Variants in XRN1 observed in about 807,000 individuals in gnomAD.
XRN1 encodes strand-exchange protein 1 homolog.
Under a neutral mutation model 222.3 loss-of-function variants are expected in XRN1, and 67 were observed. That is an observed-to-expected ratio of 0.30 (90% confidence interval 0.25 to 0.37). The LOEUF is 0.37. Among genes scored for constraint, XRN1 ranks in the 10% least tolerant of loss-of-function variants. XRN1 has a pLI of 1.00. For missense variants in XRN1, 1,707 were observed against 2,000.2 expected (o/e 0.85, Z 2.80); for synonymous variants, 643 against 652.4 (o/e 0.99, Z 0.22).
intron 27 of XRN1, among the ~76,000 whole-genome samples, chr3:142,366,699 C>T (rs1393297706): frequency 2.0e-5 from 3 of 151,924 alleles, no homozygotes; most frequent in African/African-American, 4.8e-5. Flanking sequence ...TGCCCACAGC[C>T]GACTAGATGC....
chr3:142,371,280 C>T lies in XRN1; in HGVS notation c.3027G>A (p.Val1009=), dbSNP rs1410567279. 6.2e-7 allele frequency: 1 copy of T among 1,613,400 alleles called. No homozygotes were observed. The highest frequency in any genetic ancestry group is 8.5e-7 in the Non-Finnish European group (1 of 1,179,926). ...CAGGCCAAATGTCATCTTCATAGAA[C>T]ACATCCTCTTGGCTATTTTTGGCTA... ...SYIAKNSQED[V]FYEDDIWPGE... The change falls in exon 26 of 41, where the codon GTG becomes GTA. Residue 1009 remains valine, a synonymous_variant. Coordinates refer to ENST00000392981, the MANE Select transcript of XRN1 (RefSeq NM_001282857.2).
intron 32 of XRN1, among the ~76,000 whole-genome samples, chr3:142,349,074 T>G (rs554370611): frequency 1.3e-5 from 2 of 152,252 alleles, no homozygotes; most frequent in Non-Finnish European, 2.9e-5. Context: ...TGCCTCAGTC[T>G]CCCGAATAGC....
intron 10 of XRN1, among the ~76,000 whole-genome samples, chr3:142,419,638 G>A (rs565777487): frequency 3.9e-5 from 6 of 152,106 alleles, no homozygotes; most frequent in East Asian, 1.9e-4. Flanking sequence ...GTGAAACCCC[G>A]TCTCTACTAA....
intron 20 of XRN1, among the ~76,000 whole-genome samples, chr3:142,388,725 T>C (rs1482465902): frequency 6.6e-6 from 1 of 152,238 alleles, no homozygotes; most frequent in South Asian, 2.1e-4. Context: ...TGCAATGCTA[T>C]TTTATAGCAT....
chr3:142,328,449 G>T (rs2065581712), intron 37 of XRN1, among the ~76,000 whole-genome samples: 1 of 151,544 alleles, frequency 6.6e-6, no homozygotes, highest in Admixed American at 6.6e-5. Flanking sequence ...AGTTTCCAAA[G>T]TTCCTCTTGT....
chr3:142,403,839 G>A (rs1428339005), intron 17 of XRN1, 30 bp downstream of exon 17: 1 of 1,611,462 alleles, frequency 6.2e-7, no homozygotes, highest in East Asian at 2.2e-5. Context: ...TTAATAAAGT[G>A]AAAAAATTCT....
At chr3:142,371,198 A>T in intron 26 of XRN1, 41 bp downstream of exon 26, 1 of 1,506,632 alleles carries the variant, frequency 6.6e-7, no homozygotes, top group South Asian at 1.2e-5. Flanking sequence ...GAAAACACTG[A>T]ATTGAACTAT....
In XRN1 at chr3:142,318,802, A is replaced by T. The variant is rs1308906369; in HGVS notation, c.4506T>A (p.Ala1502=). Residue 1502 remains alanine (A), a synonymous_variant, in exon 38 of 41, where the codon GCT becomes GCA. Coordinates refer to ENST00000392981, the MANE Select transcript of XRN1 (RefSeq NM_001282857.2). The part of the protein sequence containing the change: ...NEAKEKAALF[A]LQQLGSLGMN... ...GGACAGTTCTTACCAACTGTTGTAA[A>T]GCAAAAAGTGCAGCTTTCTCTTTGG... is the stretch of plus-strand genomic sequence containing the variant. 1 of 1,613,858 alleles carries T rather than the reference A, an allele frequency of 6.2e-7. No homozygotes were observed. Among genetic ancestry groups the T allele is most frequent in the South Asian group, 1.1e-5 (1 of 91,066 alleles).
chr3:142,428,191 G>C (rs1472654379), intron 2 of XRN1, among the ~76,000 whole-genome samples: 1 of 152,034 alleles, frequency 6.6e-6, no homozygotes, highest in African/African-American at 2.4e-5. Flanking sequence ...TCAGGAGTTT[G>C]AGACCAGCCT....
rs370507210 is a variant in XRN1 at position 142,345,480 on chromosome 3, G to A, written c.3877+1754C>T. ...CACACTGTAACTCTTTGTGACTTTG[G>A]ATTAGGGAATGGTTTCTTAGATGTA... On this transcript the variant is annotated intron_variant, in intron 33 of 40. Transcript: ENST00000392981. 2.6e-5 allele frequency among the ~76,000 whole-genome samples: 4 copies of A among 152,166 alleles called. No homozygotes were observed. The East Asian group carries it at 5.8e-4, about 22-fold the overall frequency.
intron 33 of XRN1, among the ~76,000 whole-genome samples, chr3:142,340,335 A>C (rs1038784712): frequency 6.6e-6 from 1 of 152,028 alleles, no homozygotes; most frequent in African/African-American, 2.4e-5. Flanking sequence ...AGCCTGGGCA[A>C]TAAAAGTGAA....
At chr3:142,349,806 G>A (rs1035407941) in intron 32 of XRN1, among the ~76,000 whole-genome samples, 3 of 152,122 alleles carry the variant, frequency 2.0e-5, no homozygotes, top group Non-Finnish European at 4.4e-5. Context: ...GGACATTTAA[G>A]AGATAAAACA....
chr3:142,329,387 G>C, intron 37 of XRN1, 47 bp downstream of exon 37: 1 of 1,259,334 alleles, frequency 7.9e-7, no homozygotes, highest in African/African-American at 1.6e-5. Context: ...ATTTATTTAA[G>C]CTTAATGTTA....
chr3:142,347,095 T>G (rs1192699696), intron 33 of XRN1, 139 bp downstream of exon 33: 13 of 645,314 alleles, frequency 2.0e-5, no homozygotes, highest in Non-Finnish European at 3.3e-5. Context: ...TACAATTTTG[T>G]GAAAATACAA....
intron 33 of XRN1, among the ~76,000 whole-genome samples, chr3:142,338,175 C>T (rs985575497): frequency 2.0e-5 from 3 of 152,178 alleles, no homozygotes; most frequent in Admixed American, 2.0e-4. Context: ...CCAACTCCCC[C>T]AACCCCAGGC....
chr3:142,390,303 G>T (rs1278212714), intron 20 of XRN1, among the ~76,000 whole-genome samples: 1 of 152,182 alleles, frequency 6.6e-6, no homozygotes, highest in Non-Finnish European at 1.5e-5. Context: ...GTCCAGGATG[G>T]CATCTTATTC....
chr3:142,401,589 G>A (rs894743765), intron 18 of XRN1, among the ~76,000 whole-genome samples: 112 of 151,938 alleles, frequency 7.4e-4, no homozygotes, highest in African/African-American at 2.5e-3. Context: ...GTGGTGACAG[G>A]AGCCTGTAAT....
chr3:142,445,908 T>A (rs1263065747), intron 1 of XRN1, among the ~76,000 whole-genome samples: 1 of 152,228 alleles, frequency 6.6e-6, no homozygotes, highest in African/African-American at 2.4e-5. Context: ...TTTTAGTGGA[T>A]ACCGCTGGCT....
intron 19 of XRN1, 102 bp from the exon 20 acceptor site, chr3:142,397,562 T>C (rs2067976621): frequency 3.1e-6 from 3 of 957,642 alleles, no homozygotes; most frequent in African/African-American, 3.4e-5. Context: ...TCACATGGTA[T>C]ACTAGCAAAA....
Sources: allele counts gnomAD v4.1 joint callset (sites outside exome capture counted in the v4.1 genomes callset), GRCh38; gene constraint gnomAD v4.1.1; transcripts MANE v1.5; gene names NCBI Gene and HGNC (gene_info 2026-07-23, HGNC 2026-07-21).